TAMM41: variants seen among roughly 807,000 people sequenced by gnomAD.
The protein encoded by TAMM41 is TAM41 mitochondrial translocator assembly and maintenance homolog, also known as phosphatidate cytidylyltransferase, mitochondrial.
Under a neutral mutation model 44.1 loss-of-function variants are expected in TAMM41, and 36 were observed. That is an observed-to-expected ratio of 0.82 (90% confidence interval 0.63 to 1.08). The LOEUF is 1.08. Ranked by LOEUF, TAMM41 falls within the 50% of genes least tolerant of loss-of-function variation. The pLI, the probability that TAMM41 is intolerant of heterozygous loss-of-function variation, is 0.00. For missense variants in TAMM41, 417 were observed against 404.3 expected (o/e 1.03, Z -0.27); for synonymous variants, 164 against 153.1 (o/e 1.07, Z -0.53).
chr3:11,740,729 C>T, the TAMM41 span, among the ~76,000 whole-genome samples: 3 of 151,944 alleles, frequency 2.0e-5, no homozygotes, highest in East Asian at 3.9e-4. Context: ...CCGCGCCCGG[C>T]TGATTTTTGT....
In TAMM41 at chr3:11,794,058, A is replaced by C. The variant is rs115412357; in HGVS notation, c.938-3477T>G. ...AGACACTGAACTAGTTGCTAGGGATACTGGTACAGATAACAGCTATGGTCT... is the reference window on the plus strand; with the variant it reads ...AGACACTGAACTAGTTGCTAGGGATCCTGGTACAGATAACAGCTATGGTCT... On this transcript the variant is annotated intron_variant, in intron 7 of 7. Coordinates refer to ENST00000455809, the MANE Select transcript of TAMM41 (RefSeq NM_001284401.2). Among the ~76,000 whole-genome samples, 1,401 of 152,294 alleles carry C rather than the reference A, an allele frequency of 9.2e-3. 29 individuals are homozygous for C. Among genetic ancestry groups the C allele is most frequent in the African/African-American group, 0.033 (1,354 of 41,556 alleles).
chr3:11,829,722 G>T lies in TAMM41; in HGVS notation c.554C>A (p.Ser185Tyr). 1 of 1,614,096 alleles carries T rather than the reference G, an allele frequency of 6.2e-7. No individual in the cohort carries two copies. The highest frequency in any genetic ancestry group is 1.1e-5 in the South Asian group (1 of 91,072). Residue 185 changes from serine to tyrosine, a missense_variant, in exon 4 of 8, where the codon TCC becomes TAC. Transcript: ENST00000455809. Reference sequence around the variant, plus strand: ...GCAGCAACCATACTAACCTGAATAGGAGAGACCGGCAATCTCTATGAAGAG... The same window carrying T: ...GCAGCAACCATACTAACCTGAATAGTAGAGACCGGCAATCTCTATGAAGAG... ...EDLFIEIAGLSYSGDFRMVVG... is the reference protein window; with the variant it reads ...EDLFIEIAGLYYSGDFRMVVG...
the TAMM41 span, among the ~76,000 whole-genome samples, chr3:11,783,599 T>G: frequency 6.6e-6 from 1 of 152,242 alleles, no homozygotes; most frequent in African/African-American, 2.4e-5. Flanking sequence ...AGGCATTGTT[T>G]AGTCAACTGG....
chr3:11,772,029 C>T, the TAMM41 span, among the ~76,000 whole-genome samples: 1 of 152,160 alleles, frequency 6.6e-6, no homozygotes, highest in East Asian at 1.9e-4. Flanking sequence ...AACCCTCACC[C>T]CCTCCCACTT....
intron 7 of TAMM41, among the ~76,000 whole-genome samples, chr3:11,798,823 A>C (rs186372971): frequency 5.2e-4 from 79 of 152,294 alleles, no homozygotes; most frequent in Non-Finnish European, 6.3e-4. Context: ...TGACATTGTA[A>C]AGAGGCTTGT....
At chr3:11,827,300 TTTTC>T (rs1327436599) in intron 4 of TAMM41, among the ~76,000 whole-genome samples, 1 of 119,942 alleles carries the variant, frequency 8.3e-6, no homozygotes, top group Non-Finnish European at 1.6e-5. Flanking sequence ...TCTTTCTTTC[TTTTC>T]TTTTCTTTTT....
At chr3:11,736,156 T>G in the TAMM41 span, among the ~76,000 whole-genome samples, 1 of 152,214 alleles carries the variant, frequency 6.6e-6, no homozygotes, top group Non-Finnish European at 1.5e-5. Context: ...GTGGAGGATT[T>G]GCAGCCCAAA....
the TAMM41 span, among the ~76,000 whole-genome samples, chr3:11,734,935 G>A: frequency 2.7e-5 from 4 of 150,642 alleles, no homozygotes; most frequent in Admixed American, 1.3e-4. Flanking sequence ...TGTCGTCCCA[G>A]CTATTCGGGG....
At chr3:11,764,553 C>G in the TAMM41 span, among the ~76,000 whole-genome samples, 1 of 125,188 alleles carries the variant, frequency 8.0e-6, no homozygotes, top group Admixed American at 1.0e-4. Context: ...AGTTCAGTGG[C>G]GCGATCTCGG....
the TAMM41 span, among the ~76,000 whole-genome samples, chr3:11,732,213 T>C: frequency 6.6e-5 from 10 of 152,124 alleles, no homozygotes; most frequent in African/African-American, 2.4e-4. Context: ...CTTTCTTCCT[T>C]CCTCTATTTC....
intron 1 of TAMM41, chr3:11,845,174 C>A: frequency 2.8e-6 from 1 of 351,470 alleles, no homozygotes; most frequent in Non-Finnish European, 5.6e-6. Context: ...AATTTTCCTG[C>A]AGAAGAGCTG....
At position 11,824,141 on chromosome 3, in the gene TAMM41, T is replaced by TA. The variant is rs1037045730; in HGVS notation, c.562+5572dup. ...TGCGCCCGGCCTATCCATTGTATTT[T>TA]AAAAATTCTTTATATATTCTGGATA... On this transcript the variant is annotated intron_variant, in intron 4 of 7. Transcript: ENST00000455809. Among the ~76,000 whole-genome samples the TA allele has an allele frequency of 5.4e-4, 82 of 151,846 alleles. 1 individual carries two copies. Among genetic ancestry groups the TA allele is most frequent in the Admixed American group, 1.3e-3 (20 of 15,270 alleles).
At chr3:11,767,194 G>A in the TAMM41 span, among the ~76,000 whole-genome samples, 8 of 151,804 alleles carry the variant, frequency 5.3e-5, no homozygotes, top group Admixed American at 1.3e-4. Flanking sequence ...TCAGCCTCCC[G>A]AGTAGCTGGC....
intron 7 of TAMM41, 85 bp from the exon 8 acceptor site, chr3:11,790,666 G>T: frequency 8.0e-7 from 1 of 1,243,784 alleles, no homozygotes; most frequent in Non-Finnish European, 1.2e-6. Flanking sequence ...GAGCAGACTT[G>T]TCTTTGGAGG....
the TAMM41 span, among the ~76,000 whole-genome samples, chr3:11,766,922 T>C: frequency 2.0e-5 from 3 of 152,156 alleles, no homozygotes; most frequent in Non-Finnish European, 2.9e-5. Context: ...TAGATTCACA[T>C]GCAGTTGTAA....
At chr3:11,838,276 G>A (rs148750713) in intron 3 of TAMM41, among the ~76,000 whole-genome samples, 341 of 152,296 alleles carry the variant, frequency 2.2e-3, no homozygotes, top group African/African-American at 7.6e-3. Context: ...GTGCGGTGGT[G>A]TGATCTCGGC....
rs765752203 is a variant in TAMM41, at chr3:11,846,468, GA to G, written c.135+33del. On this transcript the variant is annotated intron_variant, in intron 1 of 7. Transcript: ENST00000455809. Reference sequence around the variant, plus strand: ...GGGCAAAACGGGACTCGTGAGAACAGACAGTTCCCCGTCGTGGGGCTGCCCG... The same window carrying G: ...GGGCAAAACGGGACTCGTGAGAACAGCAGTTCCCCGTCGTGGGGCTGCCCG... 760 of 1,613,506 alleles carry G rather than the reference GA, an allele frequency of 4.7e-4. 1 individual carries two copies. The highest frequency in any genetic ancestry group is 1.1e-3 in the South Asian group (103 of 91,016).
At chr3:11,756,874 A>AAG in the TAMM41 span, among the ~76,000 whole-genome samples, 17 of 151,790 alleles carry the variant, frequency 1.1e-4, no homozygotes, top group African/African-American at 4.1e-4. Flanking sequence ...TCAAAAAAAA[A>AAG]AAAAAGAAAA....
At chr3:11,812,589 G>A (rs1053814744) in intron 5 of TAMM41, among the ~76,000 whole-genome samples, 2 of 152,098 alleles carry the variant, frequency 1.3e-5, no homozygotes, top group Non-Finnish European at 2.9e-5. Context: ...CCCAGAGAAG[G>A]GATGCTTCTA....
Sources: gnomAD v4.1 joint callset for allele counts (sites outside exome capture counted in the v4.1 genomes callset) on GRCh38, gnomAD v4.1.1 for gene constraint, MANE v1.5 for transcripts, NCBI Gene and HGNC (gene_info 2026-07-23, HGNC 2026-07-21) for gene names.